The following TNFRSF1B variants were observed in gnomAD, a reference collection of about 807,000 sequenced individuals.
The protein encoded by TNFRSF1B is tumor necrosis factor receptor superfamily member 1B.
TNFRSF1B carries 19 observed loss-of-function variants against 44.6 expected under a neutral mutation model. That is an observed-to-expected ratio of 0.43 (90% CI 0.30 to 0.62). TNFRSF1B has a LOEUF of 0.62. TNFRSF1B is among the 20% of genes least tolerant of loss of function. The probability of loss-of-function intolerance (pLI) is 0.16; values close to 1 mark genes in which losing one functional copy is unlikely to be tolerated. For synonymous variants in TNFRSF1B, 252 were observed against 261.1 expected (o/e 0.97, Z 0.34); for missense variants, 541 against 619.9 (o/e 0.87, Z 1.35).
chr1:12,192,741 G>A (rs1444959003), intron 5 of TNFRSF1B, 122 bp from the exon 6 acceptor site: 14 of 936,844 alleles, frequency 1.5e-5, no homozygotes, highest in Non-Finnish European at 1.9e-5. Flanking sequence ...GGAGGGGGTG[G>A]TCCTCAGAGA....
At chr1:12,193,731 T>C (rs1352539918) in intron 6 of TNFRSF1B, among the ~76,000 whole-genome samples, 2 of 152,206 alleles carry the variant, frequency 1.3e-5, no homozygotes, top group East Asian at 3.9e-4. Flanking sequence ...GCTTCCATTC[T>C]GGGGTAGAAC....
intron 1 of TNFRSF1B, among the ~76,000 whole-genome samples, chr1:12,183,957 G>T (rs1291892464): frequency 6.6e-6 from 1 of 152,158 alleles, no homozygotes; most frequent in African/African-American, 2.4e-5. Context: ...CCTCAACAGT[G>T]ATTTTCAATT....
At chr1:12,194,133 G>A in intron 7 of TNFRSF1B, 101 bp downstream of exon 7, 6 of 953,360 alleles carry the variant, frequency 6.3e-6, no homozygotes. Flanking sequence ...GGGTCAGACA[G>A]AGCTGGATAT....
intron 7 of TNFRSF1B, 69 bp from the exon 8 acceptor site, chr1:12,194,515 T>C (rs559027990): frequency 6.3e-7 from 1 of 1,597,584 alleles, no homozygotes; most frequent in Non-Finnish European, 8.6e-7. Context: ...GGCCCCATAC[T>C]GCCCTCCTAC....
chr1:12,174,685 G>C (rs184309588), intron 1 of TNFRSF1B, among the ~76,000 whole-genome samples: 1 of 152,218 alleles, frequency 6.6e-6, no homozygotes, highest in Non-Finnish European at 1.5e-5. Context: ...GTGTTTGGAG[G>C]GGGGCTGCAG....
In TNFRSF1B at chr1:12,183,446, TTCTCTC is replaced by T. The variant is rs33995912; in HGVS notation, c.79-5328_79-5323del. Among the ~76,000 whole-genome samples the T allele has an allele frequency of 3.2e-3, 469 of 147,308 alleles. 5 individuals are homozygous for T. Among genetic ancestry groups the T allele is most frequent in the Middle Eastern group, 0.017 (5 of 286 alleles). On this transcript the variant is annotated intron_variant, in intron 1 of 9. Transcript: ENST00000376259. ...TTTCTTTTTTCTTTCCTTTTATCTA[TTCTCTC>T]TCTCTCTCTCTCTCTCTCTCTATGT...
chr1:12,192,846 G>C lies in TNFRSF1B; in HGVS notation c.552-17G>C, dbSNP rs373965812. 1.9e-6 allele frequency: 3 copies of C among 1,604,338 alleles called. No individual in the cohort carries two copies. The South Asian group carries it at 3.3e-5, about 18-fold the overall frequency. On this transcript the variant is annotated splice_polypyrimidine_tract_variant and intron_variant, in intron 5 of 9. Transcript: ENST00000376259. Reference sequence around the variant, plus strand: ...CTGTCCCCTGCTGCCTCCTGACCAAGCCTCCTCCTCCTCCAGCTGTAACGT... The same window carrying C: ...CTGTCCCCTGCTGCCTCCTGACCAACCCTCCTCCTCCTCCAGCTGTAACGT...
At chr1:12,167,586 C>T (rs1447955861) in intron 1 of TNFRSF1B, 2 of 284,634 alleles carry the variant, frequency 7.0e-6, no homozygotes. Context: ...TGTGCCGGGG[C>T]GCTGCCCCAC....
Position 12,207,594 on chromosome 1 carries a change from A to T in TNFRSF1B, c.*574A>T, listed in dbSNP as rs17881445. The T allele has an allele frequency of 6.5e-6, 1 of 152,950 alleles. No homozygotes were observed. The highest frequency in any genetic ancestry group is 2.4e-5 in the African/African-American group (1 of 41,432). 9.5% of individuals were successfully genotyped at this position (152,950 alleles called of 1,614,324 possible). A position where few individuals can be genotyped will look rare whatever the true frequency, so the allele number is the denominator to read the frequency against. ...GCCCTGTAGGGAACGGGGTCCTTCAAGTTAGCTCAGGAGGCTTGGAAAGCA... is the reference window on the plus strand; with the variant it reads ...GCCCTGTAGGGAACGGGGTCCTTCATGTTAGCTCAGGAGGCTTGGAAAGCA... On this transcript the variant is annotated 3_prime_UTR_variant, in exon 10 of 10. Transcript: ENST00000376259.
chr1:12,183,467 TC>T (rs1638856315), intron 1 of TNFRSF1B, among the ~76,000 whole-genome samples: 5 of 152,028 alleles, frequency 3.3e-5, no homozygotes, highest in African/African-American at 1.2e-4. Context: ...TCTCTCTCTC[TC>T]TCTCTATGTA....
At chr1:12,183,660 C>CTATA in intron 1 of TNFRSF1B, among the ~76,000 whole-genome samples, 1 of 64,848 alleles carries the variant, frequency 1.5e-5, no homozygotes, top group Middle Eastern at 7.1e-3. Flanking sequence ...TCTATTTTAT[C>CTATA]TATCTATCTA....
chr1:12,207,149 C>T lies in TNFRSF1B; in HGVS notation c.*129C>T, dbSNP rs2101133130. On this transcript the variant is annotated 3_prime_UTR_variant, in exon 10 of 10. Coordinates refer to ENST00000376259, the MANE Select transcript of TNFRSF1B (RefSeq NM_001066.3). ...GAGGCTCTTTCTGGGCCAAGTTCCT[C>T]TAGTGCCCTCCACAGCCGCAGCCTC... 9.8e-7 allele frequency: 1 copy of T among 1,020,080 alleles called. No homozygotes were observed. The highest frequency in any genetic ancestry group is 1.4e-6 in the Non-Finnish European group (1 of 737,254). The allele number at this position is 1,020,080 out of a possible 1,614,324, so 63.2% of individuals were successfully genotyped here.
intron 1 of TNFRSF1B, 50 bp downstream of exon 1, chr1:12,167,219 C>A (rs1638410758): frequency 8.2e-7 from 1 of 1,214,232 alleles, no homozygotes; most frequent in Admixed American, 4.3e-5. Context: ...CATGTCCACC[C>A]GGCTGGTGCG....
Position 12,201,988 on chromosome 1 carries a change from G to A in TNFRSF1B, c.922G>A (p.Ala308Thr), listed in dbSNP as rs999124593. ...CCAGCCTCACTTGCCTGCCGATAAG[G>A]CCCGGGGTACACAGGGCCCCGAGCA... ...AKVPHLPADKARGTQGPEQQH... is the reference protein window; with the variant it reads ...AKVPHLPADKTRGTQGPEQQH... Residue 308 changes from alanine to threonine, a missense_variant, in exon 9 of 10, where the codon GCC becomes ACC. Transcript: ENST00000376259. 2 of 1,612,670 alleles carry A rather than the reference G, an allele frequency of 1.2e-6. No individual in the cohort carries two copies. The highest frequency in any genetic ancestry group is 1.3e-5 in the African/African-American group (1 of 75,050).
chr1:12,201,097 C>T (rs1419854089), intron 8 of TNFRSF1B, among the ~76,000 whole-genome samples: 1 of 151,652 alleles, frequency 6.6e-6, no homozygotes, highest in African/African-American at 2.4e-5. Flanking sequence ...TACAAACAAT[C>T]GACAACAAAA....
chr1:12,192,952 T>C lies in TNFRSF1B; in HGVS notation c.641T>C (p.Val214Ala). ...ACCCGGAGTATGGCCCCAGGGGCAGTACACTTACCCCAGCCAGTGTCCACA... is the reference window on the plus strand; with the variant it reads ...ACCCGGAGTATGGCCCCAGGGGCAGCACACTTACCCCAGCCAGTGTCCACA... ...SPTRSMAPGA[V>A]HLPQPVSTRS... The change falls in exon 6 of 10, where the codon GTA (valine) becomes GCA (alanine). Residue 214 changes from valine (V) to alanine (A), a missense_variant. Coordinates refer to ENST00000376259, the MANE Select transcript of TNFRSF1B (RefSeq NM_001066.3). 1 of 1,614,116 alleles carries C rather than the reference T, an allele frequency of 6.2e-7. No homozygotes were observed. The highest frequency in any genetic ancestry group is 8.5e-7 in the Non-Finnish European group (1 of 1,180,010).
chr1:12,206,970 G>C lies in TNFRSF1B; in HGVS notation c.1336G>C (p.Glu446Gln), dbSNP rs371439340. Residue 446 changes from glutamate (E) to glutamine (Q), a missense_variant, in exon 10 of 10, where the codon GAG becomes CAG. Coordinates refer to ENST00000376259, the MANE Select transcript of TNFRSF1B (RefSeq NM_001066.3). ...TPETLLGSTE[E>Q]KPLPLGVPDA... is the part of the protein sequence containing the mutation. ...AGAGACCCTGCTGGGGAGCACCGAA[G>C]AGAAGCCCCTGCCCCTTGGAGTGCC... The C allele has an allele frequency of 1.9e-6, 3 of 1,610,754 alleles. No homozygotes were observed. The South Asian group carries it at 3.3e-5, about 18-fold the overall frequency.
At chr1:12,185,073 AG>A (rs1440525302) in intron 1 of TNFRSF1B, among the ~76,000 whole-genome samples, 1 of 152,062 alleles carries the variant, frequency 6.6e-6, no homozygotes, top group African/African-American at 2.4e-5. Context: ...GGGTTTGCCG[AG>A]GGCCAGGAAG....
At position 12,192,996 on chromosome 1, in the gene TNFRSF1B, C is replaced by G; in HGVS notation, c.685C>G (p.Pro229Ala). The change falls in exon 6 of 10, where the codon CCA (proline) becomes GCA (alanine). Residue 229 changes from proline to alanine, a missense_variant. Physicochemically the swap from Pro to Ala is conservative, Grantham distance 27 (BLOSUM62 -1). Transcript: ENST00000376259. ...PVSTRSQHTQ[P>A]TPEPSTAPST... ...GTCCACACGATCCCAACACACGCAGCCAACTCCAGAACCCAGCACTGCTCC... is the reference window on the plus strand; with the variant it reads ...GTCCACACGATCCCAACACACGCAGGCAACTCCAGAACCCAGCACTGCTCC... The G allele has an allele frequency of 6.2e-7, 1 of 1,614,198 alleles. No homozygotes were observed. Among genetic ancestry groups the G allele is most frequent in the Non-Finnish European group, 8.5e-7 (1 of 1,180,030 alleles).
Sources: gnomAD v4.1 joint callset for allele counts (sites outside exome capture counted in the v4.1 genomes callset) on GRCh38, gnomAD v4.1.1 for gene constraint, MANE v1.5 for transcripts, NCBI Gene and HGNC (gene_info 2026-07-23, HGNC 2026-07-21) for gene names.